Variants in PON1 observed in about 807,000 individuals in gnomAD.
The protein encoded by PON1 is paraoxonase 1, also known as serum paraoxonase/arylesterase 1.
A neutral mutation model predicts 39.2 loss-of-function variants in PON1; 37 were observed. That is an observed-to-expected ratio of 0.94 (90% confidence interval 0.73 to 1.24). PON1 has a LOEUF of 1.24. PON1 is among the 50% of genes most tolerant of loss of function. The pLI, the probability that PON1 is intolerant of heterozygous loss-of-function variation, is 0.00. For missense variants in PON1, 397 were observed against 413.5 expected (o/e 0.96, Z 0.35); for synonymous variants, 148 against 152.2 (o/e 0.97, Z 0.21).
intron 4 of PON1, among the ~76,000 whole-genome samples, chr7:95,313,659 T>TCA (rs1225788391): frequency 6.7e-6 from 1 of 148,572 alleles, no homozygotes; most frequent in Non-Finnish European, 1.5e-5. Flanking sequence ...TGTGTGTGTC[T>TCA]CACATGGGGA....
intron 1 of PON1, among the ~76,000 whole-genome samples, chr7:95,321,692 T>C (rs1807902339): frequency 6.6e-6 from 1 of 152,188 alleles, no homozygotes; most frequent in Admixed American, 6.5e-5. Flanking sequence ...CTAAGGACTC[T>C]TCCCTGTATT....
At chr7:95,302,889 C>A (rs1002807003) in intron 7 of PON1, among the ~76,000 whole-genome samples, 2 of 152,140 alleles carry the variant, frequency 1.3e-5, no homozygotes, top group African/African-American at 4.8e-5. Context: ...GTTCAACTCC[C>A]CGTTCTTCTG....
intron 1 of PON1, 84 bp downstream of exon 1, chr7:95,324,318 C>T: frequency 7.6e-7 from 1 of 1,314,392 alleles, no homozygotes; most frequent in African/African-American, 1.4e-5. Flanking sequence ...TGTTAACAGC[C>T]TGGACCCAAC....
In PON1 at chr7:95,315,607, T is replaced by C; in HGVS notation, c.202-117A>G. On this transcript the variant is annotated intron_variant, in intron 3 of 8. Coordinates refer to ENST00000222381, the MANE Select transcript of PON1 (RefSeq NM_000446.7). ...GCTCCAAACCACAGGGCTAGCCAGA[T>C]GGCCACATAGGAAGCCTCTTAGTTA... 8.2e-6 allele frequency: 9 copies of C among 1,092,084 alleles called. No homozygotes were observed. The South Asian group carries it at 1.2e-4, about 14-fold the overall frequency. The allele number at this position is 1,092,084 out of a possible 1,614,324, so 67.6% of individuals were successfully genotyped here. A position where few individuals can be genotyped will look rare whatever the true frequency, so the allele number is the denominator to read the frequency against.
chr7:95,311,550 T>G lies in PON1; in HGVS notation c.398A>C (p.Asn133Thr). ...CACTGTGGACTTGGCATCTGGATGG[T>G]TCACCACCAGGAGGTACATGGCATT... ...EDNAMYLLVV[N>T]HPDAKSTVEL... The change falls in exon 5 of 9, where the codon AAC becomes ACC. Residue 133 changes from asparagine (N) to threonine (T), a missense_variant. Coordinates refer to ENST00000222381, the MANE Select transcript of PON1 (RefSeq NM_000446.7). 1 of 1,614,012 alleles carries G rather than the reference T, an allele frequency of 6.2e-7. No homozygotes were observed. The highest frequency in any genetic ancestry group is 1.3e-5 in the African/African-American group (1 of 75,032).
intron 4 of PON1, among the ~76,000 whole-genome samples, chr7:95,314,059 A>AT (rs1807712436): frequency 6.6e-6 from 1 of 152,118 alleles, no homozygotes; most frequent in African/African-American, 2.4e-5. Context: ...GGTAAACAGC[A>AT]TAAAAGCAGG....
intron 6 of PON1, among the ~76,000 whole-genome samples, chr7:95,307,082 AC>A (rs1807560108): frequency 6.7e-6 from 1 of 149,244 alleles, no homozygotes; most frequent in Non-Finnish European, 1.5e-5. Context: ...TTAAAAAAAA[AC>A]AGAGTCTTGC....
chr7:95,306,436 A>G, intron 6 of PON1, 70 bp from the exon 7 acceptor site: 1 of 1,093,232 alleles, frequency 9.1e-7, no homozygotes, highest in South Asian at 1.2e-5. Flanking sequence ...ATGAAGTTGT[A>G]ATACCTATTC....
intron 5 of PON1, 56 bp from the exon 6 acceptor site, chr7:95,308,267 G>T: frequency 6.6e-7 from 1 of 1,508,354 alleles, no homozygotes; most frequent in Non-Finnish European, 9.2e-7. Context: ...AACATTACAG[G>T]ATTATTAACT....
chr7:95,299,076 T>C lies in PON1; in HGVS notation c.936A>G (p.Thr312=). Residue 312 remains threonine (T), a synonymous_variant, in exon 9 of 9, where the codon ACA becomes ACG. Transcript: ENST00000222381. ...SEVLRIQNIL[T]EEPKVTQVYA... is the part of the protein sequence containing the mutation. ...AAACCTGTGTCACTTTAGGTTCTTC[T>C]GTTAGAATGTTCTGGATTCGAAGCA... 1 of 1,614,168 alleles carries C rather than the reference T, an allele frequency of 6.2e-7. No individual in the cohort carries two copies. Among genetic ancestry groups the C allele is most frequent in the Non-Finnish European group, 8.5e-7 (1 of 1,179,972 alleles).
At chr7:95,299,933 G>A (rs1670455297) in intron 8 of PON1, among the ~76,000 whole-genome samples, 1 of 152,012 alleles carries the variant, frequency 6.6e-6, no homozygotes. Context: ...GGTAAGCCAG[G>A]GAACTAACTG....
intron 7 of PON1, among the ~76,000 whole-genome samples, chr7:95,305,421 A>T (rs1807518192): frequency 6.6e-6 from 1 of 152,190 alleles, no homozygotes; most frequent in Admixed American, 6.5e-5. Flanking sequence ...GCAGTAATTT[A>T]ACAAGTATTT....
rs911941046 is a variant in PON1 at position 95,298,534 on chromosome 7, TAA to T, written c.*408_*409del. On this transcript the variant is annotated 3_prime_UTR_variant, in exon 9 of 9. Coordinates refer to ENST00000222381, the MANE Select transcript of PON1 (RefSeq NM_000446.7). ...AGTCCCTGGGTGAGTACTGGAGTTC[TAA>T]AGACACGTGAGCTAACCCTGCTCCC... is the stretch of plus-strand genomic sequence containing the variant. 7 of 325,314 alleles carry T rather than the reference TAA, an allele frequency of 2.2e-5. No individual in the cohort carries two copies. Among genetic ancestry groups the T allele is most frequent in the African/African-American group, 1.5e-4 (7 of 46,558 alleles). 20.2% of individuals were successfully genotyped at this position (325,314 alleles called of 1,614,324 possible). A position where few individuals can be genotyped will look rare whatever the true frequency, so the allele number is the denominator to read the frequency against.
chr7:95,318,812 A>G (rs565402717), intron 1 of PON1, among the ~76,000 whole-genome samples: 2 of 152,316 alleles, frequency 1.3e-5, no homozygotes, highest in South Asian at 4.1e-4. Context: ...CGCAGCCTGG[A>G]CTGGGCATCT....
intron 5 of PON1, among the ~76,000 whole-genome samples, chr7:95,308,475 C>CGTGTGT (rs10548570): frequency 2.1e-4 from 31 of 147,188 alleles, no homozygotes; most frequent in South Asian, 1.6e-3. Context: ...AGTGTTACGT[C>CGTGTGT]GTGTGTGTGT....
Position 95,306,324 on chromosome 7 carries a change from C to T in PON1, c.741G>A (p.Val247=). ...AAGTCCAATTAGCATGCTTTTCATA[C>T]ACATGAATCTTATGAGCCAGCAACT... ...IAELLAHKIH[V]YEKHANWTLT... The change falls in exon 7 of 9, where the codon GTG becomes GTA. Residue 247 remains valine, a synonymous_variant. Coordinates refer to ENST00000222381, the MANE Select transcript of PON1 (RefSeq NM_000446.7). 6.2e-7 allele frequency: 1 copy of T among 1,613,032 alleles called. No individual in the cohort carries two copies. The highest frequency in any genetic ancestry group is 8.5e-7 in the Non-Finnish European group (1 of 1,179,214).
At chr7:95,323,803 G>T (rs996753461) in intron 1 of PON1, among the ~76,000 whole-genome samples, 2 of 152,144 alleles carry the variant, frequency 1.3e-5, no homozygotes, top group African/African-American at 4.8e-5. Flanking sequence ...TGCCCAAATC[G>T]CATACTCATG....
intron 4 of PON1, among the ~76,000 whole-genome samples, chr7:95,314,572 A>G (rs3917507): frequency 0.038 from 5,754 of 152,198 alleles, 185 homozygotes; most frequent in Non-Finnish European, 0.052. Context: ...TAATGGGTAT[A>G]AACGTGGTTC....
intron 8 of PON1, among the ~76,000 whole-genome samples, chr7:95,299,725 C>T (rs1807375990): frequency 6.6e-6 from 1 of 152,198 alleles, no homozygotes; most frequent in South Asian, 2.1e-4. Context: ...GAGACTCAGA[C>T]TGGCTCTCCT....
Sources: allele counts gnomAD v4.1 joint callset (sites outside exome capture counted in the v4.1 genomes callset), GRCh38; gene constraint gnomAD v4.1.1; transcripts MANE v1.5; gene names NCBI Gene and HGNC (gene_info 2026-07-23, HGNC 2026-07-21).